HEPH: variants seen among roughly 807,000 people sequenced by gnomAD.
The protein encoded by HEPH is hephaestin.
HEPH carries 69 observed loss-of-function variants against 80.8 expected under a neutral mutation model. That is an observed-to-expected ratio of 0.85 (90% CI 0.70 to 1.04). HEPH has a LOEUF of 1.04. Among genes scored for constraint, HEPH ranks in the 50% least tolerant of loss-of-function variants. The pLI, the probability that HEPH is intolerant of heterozygous loss-of-function variation, is 0.00. For missense variants in HEPH, 1,115 were observed against 891.3 expected, an observed-to-expected ratio of 1.25 and a Z score of -3.20; for synonymous variants, 431 against 322.8, an observed-to-expected ratio of 1.34 and a Z score of -3.60.
At chrX:66,176,942 G>T (rs897545264) in intron 4 of HEPH, among the ~76,000 whole-genome samples, 2 of 111,275 alleles carry the variant, frequency 1.8e-5, no homozygotes, top group African/African-American at 6.5e-5. Flanking sequence ...AAAAGCAATG[G>T]CAACAAAAGC....
intron 5 of HEPH, among the ~76,000 whole-genome samples, chrX:66,189,239 C>A (rs965699809): frequency 8.9e-6 from 1 of 112,203 alleles, no homozygotes; most frequent in African/African-American, 3.2e-5. Flanking sequence ...GATAGCTCAA[C>A]TTTTTCTTGA....
intron 15 of HEPH, among the ~76,000 whole-genome samples, chrX:66,241,627 A>G (rs1311904875): frequency 8.9e-6 from 1 of 111,781 alleles, no homozygotes; most frequent in Non-Finnish European, 1.9e-5. Flanking sequence ...TTAGAGACCT[A>G]TGAAGATACT....
chrX:66,204,789 A>C (rs1393270075), intron 13 of HEPH, among the ~76,000 whole-genome samples: 1 of 112,335 alleles, frequency 8.9e-6, no homozygotes, highest in African/African-American at 3.2e-5. Context: ...GAACCCAGTG[A>C]GATACTTCTA....
chrX:66,251,128 C>A (rs1303780108), intron 15 of HEPH, among the ~76,000 whole-genome samples: 1 of 112,180 alleles, frequency 8.9e-6, no homozygotes, highest in Non-Finnish European at 1.9e-5. Flanking sequence ...AGTGATCCAC[C>A]CACTGTGGCC....
intron 15 of HEPH, among the ~76,000 whole-genome samples, chrX:66,214,142 A>T (rs180887104): frequency 8.8e-4 from 98 of 111,902 alleles, no homozygotes; most frequent in African/African-American, 3.0e-3. Context: ...TTTGAGAGTC[A>T]TCAGCATGTA....
intron 11 of HEPH, among the ~76,000 whole-genome samples, chrX:66,199,788 G>A (rs1169975004): frequency 1.8e-5 from 2 of 112,028 alleles, no homozygotes; most frequent in Admixed American, 1.9e-4. Flanking sequence ...ACAGGTAAGT[G>A]GTAGGATGCC....
intron 4 of HEPH, among the ~76,000 whole-genome samples, chrX:66,187,145 T>TTTG (rs561402573): frequency 2.7e-5 from 3 of 110,258 alleles, no homozygotes; most frequent in Non-Finnish European, 3.8e-5. Flanking sequence ...TCTTATTTTT[T>TTTG]TTGTTGTTGT....
Position 66,197,860 on chromosome X carries a change from G to T in HEPH, c.1679G>T (p.Cys560Phe). The T allele has an allele frequency of 8.3e-7, 1 of 1,206,090 alleles. No homozygotes were observed. ...NSGLVGPLLV[C>F]RAGALGADGK... ...GGCCTGGTGGGCCCGCTGCTGGTGT[G>T]CAGGGCTGGTGCCTTGGGTGCAGAT... Residue 560 changes from cysteine (C) to phenylalanine (F), a missense_variant, in exon 10 of 21, where the codon TGC becomes TTC. Cys to Phe is a radical substitution (Grantham distance 205). Around this residue, in one of 3 missense-constraint regions of HEPH, gnomAD observed 716 missense variants for 523.5 expected, o/e 1.37. Transcript: ENST00000343002.
At chrX:66,182,046 T>A (rs1487225414) in intron 4 of HEPH, among the ~76,000 whole-genome samples, 1 of 106,247 alleles carries the variant, frequency 9.4e-6, no homozygotes, top group Non-Finnish European at 1.9e-5. Context: ...TCTGTTCTGT[T>A]CCATTGATCT....
chrX:66,266,444 G>GC lies in HEPH; in HGVS notation c.3255dup (p.Arg1086GlnfsTer4), dbSNP rs750060613. ...TTTTTTTTTTCTCCATTTCAGCAGT[G>GC]CCCCCCAGAGACATTGAAGAAGGCA... On this transcript the variant is annotated frameshift_variant, in exon 21 of 21. Coordinates refer to ENST00000343002, the MANE Select transcript of HEPH (RefSeq NM_001367233.3). LOFTEE classifies it high-confidence loss of function. The GC allele has an allele frequency of 8.3e-6, 10 of 1,202,120 alleles. No individual in the cohort carries two copies. The highest frequency in any genetic ancestry group is 2.2e-5 in the Admixed American group (1 of 45,461).
chrX:66,205,446 A>G (rs1464342395), intron 13 of HEPH, among the ~76,000 whole-genome samples: 5 of 112,105 alleles, frequency 4.5e-5, no homozygotes, highest in African/African-American at 1.6e-4. Context: ...TCAAGTCTGC[A>G]TAGAATTCCA....
At chrX:66,266,364 A>G in intron 20 of HEPH, 76 bp from the exon 21 acceptor site, 1 of 763,422 alleles carries the variant, frequency 1.3e-6, no homozygotes, top group Non-Finnish European at 1.9e-6. Flanking sequence ...TGTTTTTTTC[A>G]GGTGATGACT....
At chrX:66,215,847 C>G (rs1457676409) in intron 15 of HEPH, among the ~76,000 whole-genome samples, 1 of 110,138 alleles carries the variant, frequency 9.1e-6, no homozygotes, top group African/African-American at 3.3e-5. Context: ...GGGGAAAGTT[C>G]TCAGCCCTGC....
At chrX:66,257,867 A>G (rs1199150162) in intron 17 of HEPH, among the ~76,000 whole-genome samples, 1 of 111,716 alleles carries the variant, frequency 9.0e-6, no homozygotes, top group Non-Finnish European at 1.9e-5. Flanking sequence ...GAAGTGGGGG[A>G]AAATTGTCCA....
chrX:66,266,562 G>T lies in HEPH; in HGVS notation c.3367G>T (p.Val1123Phe), dbSNP rs1261655586. ...CATTAGTGTCACCCTTCTGCTCGTT[G>T]TTCTGGCTCTTGGTGGAGTGGTTTG... The part of the protein sequence containing the change: ...VAISVTLLLV[V>F]LALGGVVWYQ... Residue 1123 changes from valine (V) to phenylalanine (F), a missense_variant, in exon 21 of 21, where the codon GTT becomes TTT. Coordinates refer to ENST00000343002, the MANE Select transcript of HEPH (RefSeq NM_001367233.3). 8.3e-7 allele frequency: 1 copy of T among 1,210,528 alleles called. No individual in the cohort carries two copies. Among genetic ancestry groups the T allele is most frequent in the Non-Finnish European group, 1.1e-6 (1 of 894,753 alleles).
At chrX:66,225,079 G>A (rs921770571) in intron 15 of HEPH, among the ~76,000 whole-genome samples, 17 of 110,946 alleles carry the variant, frequency 1.5e-4, no homozygotes, top group South Asian at 3.8e-4. Flanking sequence ...GGGTACCTTG[G>A]CTTACAGGTT....
chrX:66,249,704 C>CA (rs1396228311), intron 15 of HEPH, among the ~76,000 whole-genome samples: 1 of 111,738 alleles, frequency 8.9e-6, no homozygotes, highest in African/African-American at 3.3e-5. Context: ...CTTTAGTGGA[C>CA]ATGACAATCA....
chrX:66,238,302 C>A (rs2090438578), intron 15 of HEPH, among the ~76,000 whole-genome samples: 1 of 111,390 alleles, frequency 9.0e-6, no homozygotes, highest in Non-Finnish European at 1.9e-5. Context: ...TCTTGTAAGG[C>A]AGTTCTGGTG....
intron 11 of HEPH, 86 bp downstream of exon 11, chrX:66,199,114 C>T: frequency 5.2e-6 from 5 of 954,966 alleles, no homozygotes; most frequent in Non-Finnish European, 7.4e-6. Flanking sequence ...ATCCTGAAAA[C>T]ACTGATTTTA....
Sources: allele counts gnomAD v4.1 joint callset (sites outside exome capture counted in the v4.1 genomes callset), GRCh38; gene constraint gnomAD v4.1.1; regional missense constraint gnomAD v4.1.1; transcripts MANE v1.5; gene names NCBI Gene and HGNC (gene_info 2026-07-23, HGNC 2026-07-21).